The following GOSR2 variants were observed in gnomAD, a reference collection of about 807,000 sequenced individuals.
GOSR2 encodes 27 kDa Golgi SNARE protein.
GOSR2 carries 20 observed loss-of-function variants against 27.9 expected under a neutral mutation model. The ratio of observed to expected loss-of-function variants is 0.72; its 90% CI spans 0.50 to 1.04. The LOEUF (loss-of-function observed/expected upper bound fraction) is 1.04. GOSR2 is among the 50% of genes least tolerant of loss of function. The pLI is 0.00. For missense variants in GOSR2, 261 were observed against 270.5 expected, an observed-to-expected ratio of 0.97 and a Z score of 0.25; for synonymous variants, 91 against 98.8, an observed-to-expected ratio of 0.92 and a Z score of 0.47.
intron 6 of GOSR2, among the ~76,000 whole-genome samples, chr17:46,972,411 G>A (rs2091402470): frequency 6.6e-6 from 1 of 152,248 alleles, no homozygotes; most frequent in Non-Finnish European, 1.5e-5. Flanking sequence ...GAGGGAAGGA[G>A]AACCTGGGAC....
intron 5 of GOSR2, 126 bp downstream of exon 5, chr17:46,935,295 C>G: frequency 6.4e-7 from 1 of 1,565,084 alleles, no homozygotes; most frequent in South Asian, 1.2e-5. Flanking sequence ...AAGACAGAGC[C>G]CTTGAGTTTG....
chr17:46,949,007 A>G (rs1274203124), intron 6 of GOSR2: 1 of 152,218 alleles, frequency 6.6e-6, no homozygotes, highest in Non-Finnish European at 1.5e-5. Flanking sequence ...GACGTGACCC[A>G]CCTGCATTGT....
At chr17:46,929,478 A>T (rs1262298862) in intron 1 of GOSR2, 42 bp from the exon 2 acceptor site, 1 of 1,009,530 alleles carries the variant, frequency 9.9e-7, no homozygotes, top group Non-Finnish European at 1.6e-6. Flanking sequence ...AGCGCTGTTG[A>T]TTACTCCTGT....
chr17:46,940,825 G>A lies in GOSR2; in HGVS notation c.*2065G>A. 1 of 1,464,366 alleles carries A rather than the reference G, an allele frequency of 6.8e-7. No homozygotes were observed. Among genetic ancestry groups the A allele is most frequent in the South Asian group, 1.4e-5 (1 of 71,916 alleles). The allele number at this position is 1,464,366 out of a possible 1,614,324, so 90.7% of individuals were successfully genotyped here. On this transcript the variant is annotated 3_prime_UTR_variant, in exon 6 of 6. Coordinates refer to ENST00000640051, the MANE Select transcript of GOSR2 (RefSeq NM_004287.5). ...TGGGTCTTTACCACCTGCGGCTGGT[G>A]GACAGCAGCCAGTGTGTCTGGACAC... is the stretch of plus-strand genomic sequence containing the variant.
chr17:46,931,166 G>T lies in GOSR2; in HGVS notation c.162G>T (p.Leu54Phe), dbSNP rs538712056. 1 of 1,609,160 alleles carries T rather than the reference G, an allele frequency of 6.2e-7. No homozygotes were observed. Among genetic ancestry groups the T allele is most frequent in the Middle Eastern group, 1.7e-4 (1 of 6,052 alleles). ...IFSRLERLEI[L>F]SSKEPPNKRQ... ...GCCGTCTAGAACGTCTGGAGATTTT[G>T]TCCAGCAAGGAGCCCCCTAACAAAA... Residue 54 changes from leucine to phenylalanine, a missense_variant, in exon 3 of 6, where the codon TTG becomes TTT. By Grantham distance (22) the Leu-to-Phe change is conservative. Transcript: ENST00000640051.
At chr17:46,944,625 CCT>C (rs2089675054), downstream of GOSR2, among the ~76,000 whole-genome samples, 1 of 144,214 alleles carries the variant, frequency 6.9e-6, no homozygotes, top group African/African-American at 2.6e-5. Context: ...TTTTTTTTTT[CCT>C]CTCATTCTGT....
chr17:46,927,149 G>C (rs1260227962), intron 1 of GOSR2, among the ~76,000 whole-genome samples: 1 of 152,070 alleles, frequency 6.6e-6, no homozygotes, highest in East Asian at 1.9e-4. Context: ...TCCTAGTTGA[G>C]TGTCATTTTG....
chr17:46,966,883 A>G (rs1201292287), exon 7 of GOSR2: 1 of 403,296 alleles, frequency 2.5e-6, no homozygotes, highest in African/African-American at 2.1e-5. Flanking sequence ...CCATTATGCT[A>G]ATTAGCACCT....
At chr17:46,946,282 C>CAAAAAAAAA (rs58163051), downstream of GOSR2, among the ~76,000 whole-genome samples, 1 of 126,680 alleles carries the variant, frequency 7.9e-6, no homozygotes, top group Non-Finnish European at 1.6e-5. Context: ...CTAAAAATAC[C>CAAAAAAAAA]AAAAAAAAAA....
chr17:46,941,346 G>GT lies in GOSR2; in HGVS notation c.*2589dup. 1 of 984,196 alleles carries GT rather than the reference G, an allele frequency of 1.0e-6. No homozygotes were observed. The highest frequency in any genetic ancestry group is 1.2e-6 in the Non-Finnish European group (1 of 828,880). 61.0% of individuals were successfully genotyped at this position (984,196 alleles called of 1,614,324 possible). Reference sequence around the variant, plus strand: ...AGCACATCAGCTGAATAAAGTTGAGGTTTATTTTATTTAGAAAATCACATT... The same window carrying GT: ...AGCACATCAGCTGAATAAAGTTGAGGTTTTATTTTATTTAGAAAATCACATT... On this transcript the variant is annotated 3_prime_UTR_variant, in exon 6 of 6. Transcript: ENST00000640051.
intron 5 of GOSR2, chr17:46,936,413 C>G (rs1179524117): frequency 1.0e-6 from 1 of 985,278 alleles, no homozygotes; most frequent in African/African-American, 1.7e-5. Context: ...ACACTGATAC[C>G]AGAGGGGAAG....
downstream of GOSR2, among the ~76,000 whole-genome samples, chr17:46,946,583 C>A (rs1289162664): frequency 6.6e-6 from 1 of 151,668 alleles, no homozygotes; most frequent in Non-Finnish European, 1.5e-5. Context: ...TTATGAGAGG[C>A]CAGGCATGGT....
At chr17:46,965,934 A>G (rs1470791040) in intron 6 of GOSR2, among the ~76,000 whole-genome samples, 4 of 151,694 alleles carry the variant, frequency 2.6e-5, no homozygotes, top group African/African-American at 9.7e-5. Context: ...CCTGGCTGCT[A>G]TGACTTTTCT....
intron 1 of GOSR2, among the ~76,000 whole-genome samples, chr17:46,928,746 C>G (rs10853087): frequency 0.54 from 82,097 of 151,976 alleles, 22,590 homozygotes; most frequent in Non-Finnish European, 0.6. Context: ...CTCCCCCAAC[C>G]CGATTCCCTT....
intron 1 of GOSR2, among the ~76,000 whole-genome samples, chr17:46,929,123 G>A (rs1320699800): frequency 6.6e-6 from 1 of 152,170 alleles, no homozygotes; most frequent in African/African-American, 2.4e-5. Flanking sequence ...CCAGTGCTTA[G>A]CACATTAGGT....
chr17:46,941,465 G>A lies in GOSR2; in HGVS notation c.*2705G>A. 3.1e-6 allele frequency: 3 copies of A among 980,180 alleles called. No individual in the cohort carries two copies. Among genetic ancestry groups the A allele is most frequent in the Non-Finnish European group, 3.6e-6 (3 of 825,198 alleles). The allele number at this position is 980,180 out of a possible 1,614,324, so 60.7% of individuals were successfully genotyped here. ...TTCTCAAACACTGCTCCATGGCCAG[G>A]GGCTGGGCTGGCTGCTTCAGAAGCA... is the stretch of plus-strand genomic sequence containing the variant. On this transcript the variant is annotated 3_prime_UTR_variant, in exon 6 of 6. Transcript: ENST00000640051.
intron 1 of GOSR2, among the ~76,000 whole-genome samples, chr17:46,925,925 C>T (rs1420097433): frequency 6.6e-6 from 1 of 152,162 alleles, no homozygotes; most frequent in Non-Finnish European, 1.5e-5. Context: ...TATAGAGGAG[C>T]TAATAGCCAG....
At chr17:46,969,528 C>T (rs2091369632), downstream of GOSR2, among the ~76,000 whole-genome samples, 1 of 152,192 alleles carries the variant, frequency 6.6e-6, no homozygotes, top group African/African-American at 2.4e-5. Flanking sequence ...TGCCTGGAGA[C>T]CCTAAACAAC....
chr17:46,947,897 T>A (rs2090041162), intron 6 of GOSR2, among the ~76,000 whole-genome samples: 1 of 152,122 alleles, frequency 6.6e-6, no homozygotes, highest in Non-Finnish European at 1.5e-5. Flanking sequence ...GCCTCCTGAG[T>A]AGCTGGGATT....
Sources: gnomAD v4.1 joint callset for allele counts (sites outside exome capture counted in the v4.1 genomes callset) on GRCh38, gnomAD v4.1.1 for gene constraint, MANE v1.5 for transcripts, NCBI Gene and HGNC (gene_info 2026-07-23, HGNC 2026-07-21) for gene names.